KIRREL1: variants seen among roughly 807,000 people sequenced by gnomAD.
KIRREL1 encodes kin of IRRE-like protein 1.
KIRREL1 carries 25 observed loss-of-function variants against 83.3 expected under a neutral mutation model. The ratio of observed to expected loss-of-function variants is 0.30; its 90% CI spans 0.22 to 0.42. The LOEUF is 0.42. Ranked by LOEUF, KIRREL1 falls within the 10% of genes least tolerant of loss-of-function variation. The probability of loss-of-function intolerance (pLI) is 1.00; values close to 1 mark genes in which losing one functional copy is unlikely to be tolerated. For missense variants in KIRREL1, 812 were observed against 1,032.3 expected, an observed-to-expected ratio of 0.79 and a Z score of 2.92; for synonymous variants, 388 against 410.4, an observed-to-expected ratio of 0.95 and a Z score of 0.66.
intron 1 of KIRREL1, among the ~76,000 whole-genome samples, chr1:158,033,361 C>T (rs1039542165): frequency 6.6e-6 from 1 of 152,290 alleles, no homozygotes; most frequent in African/African-American, 2.4e-5. Flanking sequence ...CGTGAGCCAC[C>T]GTGCTAGGCC....
chr1:158,080,688 C>T (rs1661823824), intron 3 of KIRREL1, among the ~76,000 whole-genome samples: 1 of 152,270 alleles, frequency 6.6e-6, no homozygotes, highest in South Asian at 2.1e-4. Context: ...TCTACCCATC[C>T]AGGATCTTCC....
Position 158,089,719 on chromosome 1 carries a change from GC to G in KIRREL1, c.1179del (p.Ile394SerfsTer11). The part of the protein sequence containing the change: ...EREVPLYVNG[P>X]PIISSEAVQY... ...TGACTTGTGTCTTCTTGCTTGCAGG[GC>G]CCCCCATCATCTCCAGTGAGGCAGT... On this transcript the variant is annotated frameshift_variant and splice_region_variant, in exon 10 of 15. Transcript: ENST00000359209. LOFTEE classifies it high-confidence loss of function. The G allele has an allele frequency of 6.2e-7, 1 of 1,614,154 alleles. No individual in the cohort carries two copies. Among genetic ancestry groups the G allele is most frequent in the Non-Finnish European group, 8.5e-7 (1 of 1,180,018 alleles).
chr1:158,013,424 C>T (rs1009555613), intron 1 of KIRREL1, among the ~76,000 whole-genome samples: 3 of 152,134 alleles, frequency 2.0e-5, no homozygotes, highest in African/African-American at 4.8e-5. Flanking sequence ...ATCTCCACCC[C>T]GAGCAGATAA....
At chr1:158,009,256 T>C (rs1659604637) in intron 1 of KIRREL1, among the ~76,000 whole-genome samples, 1 of 152,326 alleles carries the variant, frequency 6.6e-6, no homozygotes, top group Middle Eastern at 3.4e-3. Context: ...TTGAATTTTC[T>C]TTCATGACCC....
At chr1:158,024,732 A>T (rs1210572696) in intron 1 of KIRREL1, among the ~76,000 whole-genome samples, 1 of 152,178 alleles carries the variant, frequency 6.6e-6, no homozygotes, top group Admixed American at 6.5e-5. Context: ...AGATCTGGCA[A>T]AGGGGATCGT....
intron 1 of KIRREL1, among the ~76,000 whole-genome samples, chr1:158,035,740 T>C (rs1660458577): frequency 6.6e-6 from 1 of 152,306 alleles, no homozygotes; most frequent in African/African-American, 2.4e-5. Flanking sequence ...AGAACCACTT[T>C]GATGGAGACA....
At chr1:158,017,138 C>T (rs1036297248) in intron 1 of KIRREL1, among the ~76,000 whole-genome samples, 9 of 152,206 alleles carry the variant, frequency 5.9e-5, no homozygotes, top group African/African-American at 1.4e-4. Context: ...GGGCAGGTTC[C>T]AGTGGAGACA....
chr1:158,065,902 C>T (rs1040440590), intron 1 of KIRREL1, among the ~76,000 whole-genome samples: 7 of 152,090 alleles, frequency 4.6e-5, no homozygotes, highest in African/African-American at 7.2e-5. Flanking sequence ...TTCTTATTTT[C>T]GTTCTCATTT....
intron 8 of KIRREL1, among the ~76,000 whole-genome samples, chr1:158,088,888 G>T (rs565407509): frequency 6.6e-6 from 1 of 152,186 alleles, no homozygotes; most frequent in South Asian, 2.1e-4. Flanking sequence ...TAGGGTCTTG[G>T]GATTTGGAGG....
rs138913372 is a variant in KIRREL1, at chr1:158,034,591, C to A, written c.52+40863C>A. On this transcript the variant is annotated intron_variant, in intron 1 of 14. Coordinates refer to ENST00000359209, the MANE Select transcript of KIRREL1 (RefSeq NM_018240.7). Reference sequence around the variant, plus strand: ...GAATCTCCTCTCGCCAGCTGTGAGACCTTAAGAAAGATATGAAACTGAGAT... The same window carrying A: ...GAATCTCCTCTCGCCAGCTGTGAGAACTTAAGAAAGATATGAAACTGAGAT... Among the ~76,000 whole-genome samples the A allele has an allele frequency of 5.4e-4, 82 of 152,286 alleles. No individual in the cohort carries two copies. In the East Asian group the frequency reaches 0.015, roughly 28 times the overall value.
rs369232754 is a variant in KIRREL1, at chr1:158,088,727, G to A, written c.1044+273G>A. Among the ~76,000 whole-genome samples, 92 of 151,840 alleles carry A rather than the reference G, an allele frequency of 6.1e-4. 1 individual carries two copies. In the East Asian group the frequency reaches 0.014, roughly 23 times the overall value. On this transcript the variant is annotated intron_variant, in intron 8 of 14. Transcript: ENST00000359209. ...TCTCGATCTCCTGACCTCGTGATCC[G>A]CCCGCCTCGGCCTCCCAAAGTGCTG...
chr1:158,061,247 T>G (rs1269005273), intron 1 of KIRREL1, among the ~76,000 whole-genome samples: 2 of 152,120 alleles, frequency 1.3e-5, no homozygotes, highest in Non-Finnish European at 2.9e-5. Flanking sequence ...GTCCAGGAAA[T>G]GAGGTGCTAA....
At chr1:158,086,448 A>G in intron 4 of KIRREL1, 148 bp from the exon 5 acceptor site, 2 of 667,398 alleles carry the variant, frequency 3.0e-6, no homozygotes, top group South Asian at 3.9e-5. Context: ...ACACACACAC[A>G]CAAGGGAAGA....
rs1331203134 is a variant in KIRREL1 at position 158,042,901 on chromosome 1, G to A, written c.53-33212G>A. 3.6e-4 allele frequency among the ~76,000 whole-genome samples: 45 copies of A among 125,814 alleles called. 1 individual carries two copies. In the East Asian group the frequency reaches 8.9e-3, roughly 25 times the overall value. The allele number at this position is 125,814 out of a possible 152,430, so 82.5% of individuals were successfully genotyped here. Reference sequence around the variant, plus strand: ...ATCCTGGCTAACACGGTGAAACCCCGTCTCTACTAAAAAAAAAAAAAAAAA... The same window carrying A: ...ATCCTGGCTAACACGGTGAAACCCCATCTCTACTAAAAAAAAAAAAAAAAA... On this transcript the variant is annotated intron_variant, in intron 1 of 14. Coordinates refer to ENST00000359209, the MANE Select transcript of KIRREL1 (RefSeq NM_018240.7).
intron 1 of KIRREL1, among the ~76,000 whole-genome samples, chr1:158,013,693 G>C (rs1185402606): frequency 6.6e-6 from 1 of 152,174 alleles, no homozygotes. Context: ...TTAGTCCCCT[G>C]CCCTTGCTCC....
chr1:158,078,179 T>C, intron 3 of KIRREL1, 39 bp downstream of exon 3: 1 of 1,597,530 alleles, frequency 6.3e-7, no homozygotes, highest in Non-Finnish European at 8.6e-7. Context: ...CGAGGCCCTG[T>C]CTCTCTGTAT....
intron 1 of KIRREL1, among the ~76,000 whole-genome samples, chr1:158,027,377 G>T (rs987758356): frequency 6.6e-6 from 1 of 152,166 alleles, no homozygotes; most frequent in Admixed American, 6.5e-5. Flanking sequence ...TCGGAATCCT[G>T]TCCTTTTGGG....
Position 158,092,345 on chromosome 1 carries a change from C to CTTTTTTTTTT in KIRREL1, c.1471+800_1471+809dup, listed in dbSNP as rs11430850. ...AATGACAGCATCCCATCACTTCAGT[C>CTTTTTTTTTT]TTTTTTTTTTTTTTTTTTTTGAGAT... On this transcript the variant is annotated intron_variant, in intron 11 of 14. Coordinates refer to ENST00000359209, the MANE Select transcript of KIRREL1 (RefSeq NM_018240.7). Among the ~76,000 whole-genome samples the CTTTTTTTTTT allele has an allele frequency of 2.3e-4, 25 of 110,922 alleles. 1 individual carries two copies. Among genetic ancestry groups the CTTTTTTTTTT allele is most frequent in the African/African-American group, 8.1e-4 (23 of 28,550 alleles). The allele number at this position is 110,922 out of a possible 152,430, so 72.8% of individuals were successfully genotyped here.
intron 1 of KIRREL1, among the ~76,000 whole-genome samples, chr1:158,006,917 G>A (rs1386843895): frequency 6.6e-6 from 1 of 152,240 alleles, no homozygotes; most frequent in Non-Finnish European, 1.5e-5. Context: ...TTTCCTCTTG[G>A]AATCACTCAG....
Sources: gnomAD v4.1 joint callset for allele counts (sites outside exome capture counted in the v4.1 genomes callset) on GRCh38, gnomAD v4.1.1 for gene constraint, MANE v1.5 for transcripts, NCBI Gene and HGNC (gene_info 2026-07-23, HGNC 2026-07-21) for gene names.